Variants in RBBP5 observed in about 807,000 individuals in gnomAD.
RBBP5 encodes the protein RB binding protein 5, histone lysine methyltransferase complex subunit, also known as retinoblastoma-binding protein 5.
A neutral mutation model predicts 72.2 loss-of-function variants in RBBP5; 5 were observed. The observed-to-expected ratio is 0.07, with a 90% CI of 0.04 to 0.15. The LOEUF is 0.15. Ranked by LOEUF, RBBP5 falls within the 10% of genes least tolerant of loss-of-function variation. The pLI, the probability that RBBP5 is intolerant of heterozygous loss-of-function variation, is 1.00. For missense variants in RBBP5, 322 were observed against 652.2 expected, an observed-to-expected ratio of 0.49 and a Z score of 5.51; for synonymous variants, 209 against 237.2, an observed-to-expected ratio of 0.88 and a Z score of 1.09.
At chr1:205,094,740 A>T (rs1487692460) in intron 13 of RBBP5, 133 bp downstream of exon 13, 21 of 1,078,548 alleles carry the variant, frequency 1.9e-5, no homozygotes, top group Non-Finnish European at 2.2e-5. Context: ...AGCAGCTTAA[A>T]ATTCAGAAAT....
chr1:205,089,440 A>C (rs946223047), intron 13 of RBBP5, among the ~76,000 whole-genome samples: 7 of 152,356 alleles, frequency 4.6e-5, no homozygotes, highest in African/African-American at 1.7e-4. Context: ...CCTCTGAGAG[A>C]CATCGTTAAA....
chr1:205,112,840 T>G lies in RBBP5; in HGVS notation c.218+1949A>C, dbSNP rs377702071. 3.5e-4 allele frequency among the ~76,000 whole-genome samples: 53 copies of G among 152,208 alleles called. 1 individual carries two copies. Among genetic ancestry groups the G allele is most frequent in the African/African-American group, 1.3e-3 (52 of 41,514 alleles). On this transcript the variant is annotated intron_variant, in intron 3 of 13. Transcript: ENST00000264515. ...GCTTTAAAAAATCATATCTAGAAACTGGGCAGACATGGTGGCTCACACCTG... is the reference window on the plus strand; with the variant it reads ...GCTTTAAAAAATCATATCTAGAAACGGGGCAGACATGGTGGCTCACACCTG...
chr1:205,121,667 G>A (rs1028882808), intron 1 of RBBP5, among the ~76,000 whole-genome samples, 188 bp downstream of exon 1: 20 of 152,150 alleles, frequency 1.3e-4, no homozygotes, highest in Non-Finnish European at 2.6e-4. Flanking sequence ...GTGGCCTCGG[G>A]AGGGGCAATG....
intron 1 of RBBP5, 63 bp downstream of exon 1, chr1:205,121,792 G>C: frequency 1.2e-6 from 2 of 1,608,886 alleles, no homozygotes; most frequent in South Asian, 2.2e-5. Context: ...CTCCCCTCCC[G>C]CCTGGGTTCC....
At position 205,111,946 on chromosome 1, in the gene RBBP5, C is replaced by T. The variant is rs190505919; in HGVS notation, c.218+2843G>A. On this transcript the variant is annotated intron_variant, in intron 3 of 13. Transcript: ENST00000264515. ...CCCATTGTACCATACTTGTTTCAAGCTGATATGCCTTGGCCTGTGCAGTGC... is the reference window on the plus strand; with the variant it reads ...CCCATTGTACCATACTTGTTTCAAGTTGATATGCCTTGGCCTGTGCAGTGC... Among the ~76,000 whole-genome samples the T allele has an allele frequency of 4.7e-4, 71 of 152,192 alleles. 2 individuals are homozygous for T. The highest frequency in any genetic ancestry group is 1.7e-3 in the African/African-American group (70 of 41,530).
intron 3 of RBBP5, among the ~76,000 whole-genome samples, chr1:205,105,754 T>C (rs761584513): frequency 3.9e-5 from 6 of 152,170 alleles, no homozygotes; most frequent in Non-Finnish European, 8.8e-5. Flanking sequence ...TGTTCCCCGT[T>C]CTGGGTGAAG....
At chr1:205,101,786 T>C in intron 5 of RBBP5, 77 bp from the exon 6 acceptor site, 1 of 1,054,032 alleles carries the variant, frequency 9.5e-7, no homozygotes, top group East Asian at 2.4e-5. Context: ...TTTCTAATAC[T>C]GCGTAAAGAC....
rs1293131594 is a variant in RBBP5 at position 205,088,687 on chromosome 1, G to C, written c.*100C>G. On this transcript the variant is annotated 3_prime_UTR_variant, in exon 14 of 14. Coordinates refer to ENST00000264515, the MANE Select transcript of RBBP5 (RefSeq NM_005057.4). Reference sequence around the variant, plus strand: ...CCCACCTCCTGGGTGGGAGGCACAGGCCTTTGTTTTAAATTAAAGTCAATT... The same window carrying C: ...CCCACCTCCTGGGTGGGAGGCACAGCCCTTTGTTTTAAATTAAAGTCAATT... The C allele has an allele frequency of 2.1e-5, 27 of 1,264,336 alleles. No homozygotes were observed. The highest frequency in any genetic ancestry group is 2.8e-5 in the Non-Finnish European group (25 of 894,502). 78.3% of individuals were successfully genotyped at this position (1,264,336 alleles called of 1,614,324 possible).
rs544543026 is a variant in RBBP5, at chr1:205,118,180, T to C, written c.20-2297A>G. ...ATTGTGGTTCCCTATTATACACAGC[T>C]ACTTGTTTGTCTCTCCTCTTAGCTC... On this transcript the variant is annotated intron_variant, in intron 1 of 13. Coordinates refer to ENST00000264515, the MANE Select transcript of RBBP5 (RefSeq NM_005057.4). Among the ~76,000 whole-genome samples, 3 of 152,320 alleles carry C rather than the reference T, an allele frequency of 2.0e-5. No individual in the cohort carries two copies. In the South Asian group the frequency reaches 6.2e-4, roughly 32 times the overall value.
chr1:205,097,854 C>T (rs1476499061), intron 10 of RBBP5, among the ~76,000 whole-genome samples: 1 of 152,074 alleles, frequency 6.6e-6, no homozygotes, highest in Non-Finnish European at 1.5e-5. Context: ...CACTTTGACA[C>T]TAAACAGAAT....
intron 10 of RBBP5, 90 bp downstream of exon 10, chr1:205,098,899 C>A (rs1413360173): frequency 7.2e-5 from 58 of 810,750 alleles, no homozygotes; most frequent in Non-Finnish European, 1.0e-4. Context: ...AGATGAAGTG[C>A]TGAAATAAAT....
At chr1:205,120,421 C>G (rs1031809220) in intron 1 of RBBP5, among the ~76,000 whole-genome samples, 1 of 152,204 alleles carries the variant, frequency 6.6e-6, no homozygotes, top group African/African-American at 2.4e-5. Context: ...CCTGGCCAAG[C>G]AGGAAAATTC....
intron 3 of RBBP5, 104 bp downstream of exon 3, chr1:205,114,685 A>T (rs1656454252): frequency 9.0e-7 from 1 of 1,116,248 alleles, no homozygotes; most frequent in Middle Eastern, 3.1e-4. Flanking sequence ...CTAATGGCTG[A>T]ATATTTAAAA....
At chr1:205,107,490 C>G (rs1156357991) in intron 3 of RBBP5, among the ~76,000 whole-genome samples, 1 of 152,158 alleles carries the variant, frequency 6.6e-6, no homozygotes, top group Non-Finnish European at 1.5e-5. Context: ...AAGAAAAGAA[C>G]TGTCATTCCA....
chr1:205,088,914 A>T, intron 13 of RBBP5, 99 bp from the exon 14 acceptor site: 1 of 1,080,086 alleles, frequency 9.3e-7, no homozygotes, highest in Non-Finnish European at 1.3e-6. Context: ...CATTACAAGC[A>T]CACGTGGACC....
intron 13 of RBBP5, 112 bp from the exon 14 acceptor site, chr1:205,088,927 G>T: frequency 2.2e-6 from 2 of 928,522 alleles, no homozygotes; most frequent in East Asian, 2.9e-5. Flanking sequence ...CGTGGACCAA[G>T]AAATTCCCCT....
At chr1:205,111,398 A>T (rs537738409) in intron 3 of RBBP5, among the ~76,000 whole-genome samples, 1 of 152,348 alleles carries the variant, frequency 6.6e-6, no homozygotes, top group Non-Finnish European at 1.5e-5. Flanking sequence ...CAGGGAAGAT[A>T]CTCTAACACA....
intron 6 of RBBP5, among the ~76,000 whole-genome samples, chr1:205,100,890 C>T (rs1655791874): frequency 6.6e-6 from 1 of 152,174 alleles, no homozygotes; most frequent in African/African-American, 2.4e-5. Context: ...GATACTGTTC[C>T]ACCTCAGATC....
chr1:205,096,628 G>A, intron 12 of RBBP5, 54 bp downstream of exon 12: 2 of 1,517,336 alleles, frequency 1.3e-6, no homozygotes, highest in Non-Finnish European at 1.8e-6. Flanking sequence ...TTGCGCTGGG[G>A]AGTGAGTAGA....
Sources: allele counts gnomAD v4.1 joint callset (sites outside exome capture counted in the v4.1 genomes callset), GRCh38; gene constraint gnomAD v4.1.1; transcripts MANE v1.5; gene names NCBI Gene and HGNC (gene_info 2026-07-23, HGNC 2026-07-21).